The following PROM1 variants were observed in gnomAD, a reference collection of about 807,000 sequenced individuals.
PROM1 encodes prominin 1.
In PROM1, 105 loss-of-function variants were observed where a neutral mutation model predicts 116.9. The ratio of observed to expected loss-of-function variants is 0.90; its 90% CI spans 0.77 to 1.06. PROM1 has a LOEUF of 1.06. Among genes scored for constraint, PROM1 ranks in the 50% least tolerant of loss-of-function variants. The probability of loss-of-function intolerance (pLI) is 0.00; values close to 1 mark genes in which losing one functional copy is unlikely to be tolerated. For synonymous variants in PROM1, 393 were observed against 387.0 expected (o/e 1.02, Z -0.18); for missense variants, 1,122 against 1,045.2 (o/e 1.07, Z -1.01).
chr4:16,022,058 T>C (rs1560506736), intron 8 of PROM1, among the ~76,000 whole-genome samples: 4 of 139,374 alleles, frequency 2.9e-5, no homozygotes, highest in Non-Finnish European at 4.6e-5. Context: ...GGGCCAGGTG[T>C]GCAAGGAAGA....
chr4:16,017,473 G>C (rs1257704083), intron 9 of PROM1, among the ~76,000 whole-genome samples: 1 of 152,190 alleles, frequency 6.6e-6, no homozygotes, highest in Non-Finnish European at 1.5e-5. Flanking sequence ...AAAAACAATG[G>C]AATGAAATGT....
intron 15 of PROM1, among the ~76,000 whole-genome samples, chr4:15,997,394 A>C (rs2149162516): frequency 6.7e-6 from 1 of 150,126 alleles, no homozygotes; most frequent in African/African-American, 2.4e-5. Flanking sequence ...ATGGGCTCCT[A>C]GTCTGATGGC....
At chr4:16,045,395 A>G (rs1249363072) in intron 2 of PROM1, among the ~76,000 whole-genome samples, 1 of 152,168 alleles carries the variant, frequency 6.6e-6, no homozygotes, top group Non-Finnish European at 1.5e-5. Context: ...CATTAGGTAG[A>G]GCGAGCCGCA....
At chr4:15,986,409 C>CTT in intron 20 of PROM1, among the ~76,000 whole-genome samples, 1 of 147,538 alleles carries the variant, frequency 6.8e-6, no homozygotes, top group African/African-American at 2.5e-5. Context: ...TTGCACCGAA[C>CTT]TTTTTTTTTT....
intron 14 of PROM1, among the ~76,000 whole-genome samples, chr4:15,998,833 A>T (rs1412380584): frequency 6.6e-6 from 1 of 152,042 alleles, no homozygotes; most frequent in Non-Finnish European, 1.5e-5. Flanking sequence ...CTCCAGTCTC[A>T]GCCTCCCGAG....
intron 2 of PROM1, among the ~76,000 whole-genome samples, chr4:16,051,509 C>A (rs1737878922): frequency 6.6e-6 from 1 of 152,202 alleles, no homozygotes; most frequent in African/African-American, 2.4e-5. Context: ...GAAGAAGGCA[C>A]CTATTGTGTG....
In PROM1 at chr4:16,025,216, T is replaced by A; in HGVS notation, c.606A>T (p.Arg202=). ...CCTCTGGAGTTTCATTCAAGAGAGTTCGCAAGTCCTTGAAATTGCTATCTG... is the reference window on the plus strand; with the variant it reads ...CCTCTGGAGTTTCATTCAAGAGAGTACGCAAGTCCTTGAAATTGCTATCTG... The part of the protein sequence containing the change: ...KLADSNFKDL[R]TLLNETPEQI... The change falls in exon 6 of 28, where the codon CGA becomes CGT. Residue 202 remains arginine (R), a synonymous_variant. Coordinates refer to ENST00000447510, the MANE Select transcript of PROM1 (RefSeq NM_006017.3). 1 of 1,613,962 alleles carries A rather than the reference T, an allele frequency of 6.2e-7. No individual in the cohort carries two copies. The highest frequency in any genetic ancestry group is 1.1e-5 in the South Asian group (1 of 91,082).
intron 2 of PROM1, among the ~76,000 whole-genome samples, chr4:16,068,112 T>G (rs1455631635): frequency 1.3e-5 from 2 of 152,040 alleles, no homozygotes; most frequent in African/African-American, 4.8e-5. Flanking sequence ...GCAGAGAGAA[T>G]CCAGGTGAGG....
chr4:16,039,870 G>A (rs923335534), intron 2 of PROM1, among the ~76,000 whole-genome samples: 3 of 151,862 alleles, frequency 2.0e-5, no homozygotes, highest in African/African-American at 7.3e-5. Flanking sequence ...CATAGGCCTG[G>A]GACCAAAAAA....
At chr4:16,017,031 A>G (rs1233590811) in intron 9 of PROM1, among the ~76,000 whole-genome samples, 1 of 152,214 alleles carries the variant, frequency 6.6e-6, no homozygotes, top group Non-Finnish European at 1.5e-5. Context: ...GTGTCGGGTC[A>G]ATGTTATCCT....
At chr4:15,998,044 T>C (rs1324362523) in intron 15 of PROM1, among the ~76,000 whole-genome samples, 6 of 152,214 alleles carry the variant, frequency 3.9e-5, no homozygotes, top group Admixed American at 3.9e-4. Context: ...ACCTGTTCAC[T>C]ATTCTTGTTG....
intron 8 of PROM1, among the ~76,000 whole-genome samples, chr4:16,020,366 A>G (rs1033276274): frequency 6.6e-6 from 1 of 152,226 alleles, no homozygotes; most frequent in African/African-American, 2.4e-5. Context: ...CACCCTGGGT[A>G]TCAGTTTTTC....
intron 2 of PROM1, among the ~76,000 whole-genome samples, chr4:16,054,623 A>G (rs1738587193): frequency 6.6e-6 from 1 of 152,210 alleles, no homozygotes. Flanking sequence ...AATGAAGGTA[A>G]TAATACTCAT....
chr4:15,968,607 T>C lies in PROM1; in HGVS notation c.*786A>G, dbSNP rs559068133. ...TGCAACAGAAAACTCTGTTAAACTG[T>C]ACACCGTAATTGGCATCTGTTAAAA... On this transcript the variant is annotated 3_prime_UTR_variant, in exon 28 of 28. Coordinates refer to ENST00000447510, the MANE Select transcript of PROM1 (RefSeq NM_006017.3). The C allele has an allele frequency of 3.9e-5, 6 of 152,236 alleles. No individual in the cohort carries two copies. The highest frequency in any genetic ancestry group is 1.3e-4 in the Admixed American group (2 of 15,284). The allele number at this position is 152,236 out of a possible 1,614,324, so 9.4% of individuals were successfully genotyped here. A position where few individuals can be genotyped will look rare whatever the true frequency, so the allele number is the denominator to read the frequency against.
intron 2 of PROM1, among the ~76,000 whole-genome samples, chr4:16,044,139 T>C (rs1735983409): frequency 6.6e-6 from 1 of 152,230 alleles, no homozygotes; most frequent in Non-Finnish European, 1.5e-5. Flanking sequence ...AAATGTGCCT[T>C]GTGCAGGACC....
intron 2 of PROM1, among the ~76,000 whole-genome samples, chr4:16,043,571 A>C (rs1735820972): frequency 6.6e-6 from 1 of 152,218 alleles, no homozygotes; most frequent in Non-Finnish European, 1.5e-5. Flanking sequence ...CTCCAAGCGC[A>C]AGGCAAGAGA....
chr4:16,029,336 A>G (rs2149361824), intron 5 of PROM1, among the ~76,000 whole-genome samples: 1 of 150,800 alleles, frequency 6.6e-6, no homozygotes, highest in South Asian at 2.1e-4. Context: ...AAACTTAGAA[A>G]CATACAAAGG....
chr4:15,976,211 G>T (rs1716088907), intron 26 of PROM1: 1 of 455,394 alleles, frequency 2.2e-6, no homozygotes, highest in Admixed American at 2.4e-5. Context: ...AGCCCAAGAT[G>T]AAATGTTCAT....
At chr4:16,078,237 G>A (rs750176824) in intron 1 of PROM1, 1 of 152,206 alleles carries the variant, frequency 6.6e-6, no homozygotes, top group Non-Finnish European at 1.5e-5. Context: ...CTTAACACTG[G>A]GCATGGCACG....
Sources: gnomAD v4.1 joint callset for allele counts (sites outside exome capture counted in the v4.1 genomes callset) on GRCh38, gnomAD v4.1.1 for gene constraint, MANE v1.5 for transcripts, NCBI Gene and HGNC (gene_info 2026-07-23, HGNC 2026-07-21) for gene names.